Variants in PPP4R1 observed in about 807,000 individuals in gnomAD.
PPP4R1 encodes serine/threonine-protein phosphatase 4 regulatory subunit 1.
A neutral mutation model predicts 111.2 loss-of-function variants in PPP4R1; 42 were observed. The observed-to-expected ratio is 0.38, with a 90% CI of 0.29 to 0.49. The LOEUF is 0.49. Ranked by LOEUF, PPP4R1 falls within the 20% of genes least tolerant of loss-of-function variation. The pLI is 0.97. For missense variants in PPP4R1, 1,012 were observed against 1,161.6 expected (o/e 0.87, Z 1.87); for synonymous variants, 409 against 405.5 (o/e 1.01, Z -0.10).
chr18:9,564,737 T>TGTGTGGGGGG (rs1475596391), intron 11 of PPP4R1, among the ~76,000 whole-genome samples: 4 of 67,978 alleles, frequency 5.9e-5, no homozygotes, highest in South Asian at 3.2e-4. Context: ...TGTGTGTGTG[T>TGTGTGGGGGG]GGGGGTATCA....
At chr18:9,555,997 CA>C (rs71358236) in intron 15 of PPP4R1, among the ~76,000 whole-genome samples, 4 of 136,848 alleles carry the variant, frequency 2.9e-5, no homozygotes, top group Admixed American at 7.4e-5. Flanking sequence ...AACAAACAAA[CA>C]AAAAAACACA....
At chr18:9,604,344 C>G (rs1195267316) in intron 2 of PPP4R1, among the ~76,000 whole-genome samples, 1 of 152,146 alleles carries the variant, frequency 6.6e-6, no homozygotes, top group Admixed American at 6.5e-5. Flanking sequence ...TCAATAGATG[C>G]CCTTGCACGC....
intron 2 of PPP4R1, among the ~76,000 whole-genome samples, chr18:9,595,781 A>G (rs2067280780): frequency 6.6e-6 from 1 of 152,174 alleles, no homozygotes; most frequent in South Asian, 2.1e-4. Flanking sequence ...CACCCATTCA[A>G]GCTGCAGGAG....
At chr18:9,556,328 G>A (rs1408692235) in intron 15 of PPP4R1, among the ~76,000 whole-genome samples, 1 of 151,624 alleles carries the variant, frequency 6.6e-6, no homozygotes, top group African/African-American at 2.4e-5. Flanking sequence ...GAGTGGCTGA[G>A]ACTACAGGTG....
At position 9,547,016 on chromosome 18, in the gene PPP4R1, G is replaced by A. The variant is rs561641973; in HGVS notation, c.*773C>T. 6.6e-6 allele frequency: 1 copy of A among 152,534 alleles called. No individual in the cohort carries two copies. The highest frequency in any genetic ancestry group is 6.5e-5 in the Admixed American group (1 of 15,274). 9.4% of individuals were successfully genotyped at this position (152,534 alleles called of 1,614,324 possible). A position where few individuals can be genotyped will look rare whatever the true frequency, so the allele number is the denominator to read the frequency against. On this transcript the variant is annotated 3_prime_UTR_variant, in exon 20 of 20. Coordinates refer to ENST00000400556, the MANE Select transcript of PPP4R1 (RefSeq NM_001042388.3). ...CACTCCCAAGAGTGGTCACAGGTAT[G>A]TACAGTATGTGAAGAAGTTGCACCT... is the stretch of plus-strand genomic sequence containing the variant.
chr18:9,585,989 A>G (rs145225617), intron 6 of PPP4R1, among the ~76,000 whole-genome samples: 97 of 152,290 alleles, frequency 6.4e-4, no homozygotes, highest in African/African-American at 2.2e-3. Context: ...AGAACTAGAG[A>G]TAACGCCTAC....
At chr18:9,610,867 T>TACACACACACACACAC (rs60173784) in intron 2 of PPP4R1, among the ~76,000 whole-genome samples, 171 of 149,894 alleles carry the variant, frequency 1.1e-3, no homozygotes, top group African/African-American at 3.9e-3. Flanking sequence ...AAATTATGTG[T>TACACACACACACACAC]ACACACACAC....
At chr18:9,605,461 T>C (rs1039250817) in intron 2 of PPP4R1, among the ~76,000 whole-genome samples, 2 of 149,734 alleles carry the variant, frequency 1.3e-5, no homozygotes, top group African/African-American at 2.5e-5. Flanking sequence ...GTGGAGCAAT[T>C]TGATAGACAT....
chr18:9,560,308 T>C (rs184750753), intron 13 of PPP4R1, among the ~76,000 whole-genome samples: 2 of 152,222 alleles, frequency 1.3e-5, no homozygotes, highest in African/African-American at 2.4e-5. Flanking sequence ...TTGTCTTCTT[T>C]AGATGAAAAT....
intron 10 of PPP4R1, among the ~76,000 whole-genome samples, chr18:9,573,898 T>A (rs1223383869): frequency 6.6e-6 from 1 of 152,300 alleles, no homozygotes; most frequent in East Asian, 1.9e-4. Flanking sequence ...CTTAGAATGA[T>A]TTTTTTAAAA....
At chr18:9,597,874 G>C (rs2067315304) in intron 2 of PPP4R1, among the ~76,000 whole-genome samples, 1 of 152,062 alleles carries the variant, frequency 6.6e-6, no homozygotes, top group South Asian at 2.1e-4. Flanking sequence ...AACAGAAACA[G>C]ACCCAGGACA....
At chr18:9,608,573 C>G (rs1299862265) in intron 2 of PPP4R1, among the ~76,000 whole-genome samples, 2 of 152,182 alleles carry the variant, frequency 1.3e-5, no homozygotes, top group Admixed American at 6.5e-5. Context: ...GTGCTAAAAG[C>G]AGAGCAAGTT....
chr18:9,561,900 G>C, intron 13 of PPP4R1, 80 bp downstream of exon 13: 1 of 1,142,788 alleles, frequency 8.8e-7, no homozygotes, highest in East Asian at 2.4e-5. Context: ...CATAAAGAAG[G>C]GGCAAATTAG....
At chr18:9,594,834 G>A (rs2067266669) in intron 3 of PPP4R1, 184 bp downstream of exon 3, 1 of 592,060 alleles carries the variant, frequency 1.7e-6, no homozygotes, top group East Asian at 3.2e-5. Flanking sequence ...CATGTTGTAT[G>A]CTTACTAGGA....
intron 2 of PPP4R1, chr18:9,599,739 T>C (rs931433703): frequency 2.6e-5 from 4 of 152,202 alleles, no homozygotes; most frequent in African/African-American, 9.6e-5. Context: ...GAAGCACCTT[T>C]ATAAAGGCTG....
At chr18:9,612,654 T>TGA (rs1313689128) in intron 2 of PPP4R1, 3 of 152,162 alleles carry the variant, frequency 2.0e-5, no homozygotes, top group African/African-American at 7.2e-5. Flanking sequence ...TAAAAAGCCC[T>TGA]CCTCGAGGTA....
chr18:9,596,028 T>C lies in PPP4R1; in HGVS notation c.53-875A>G, dbSNP rs547246082. ...CTGACTGAAGAGGTAAAGGAAAATA[T>C]AATAAAGTGAAGACAATGAATACAA... On this transcript the variant is annotated intron_variant, in intron 2 of 19. Coordinates refer to ENST00000400556, the MANE Select transcript of PPP4R1 (RefSeq NM_001042388.3). Among the ~76,000 whole-genome samples, 5 of 152,148 alleles carry C rather than the reference T, an allele frequency of 3.3e-5. No individual in the cohort carries two copies. In the South Asian group the frequency reaches 6.2e-4, roughly 19 times the overall value.
intron 9 of PPP4R1, among the ~76,000 whole-genome samples, chr18:9,582,122 AC>A (rs2067039533): frequency 1.3e-5 from 2 of 152,026 alleles, no homozygotes. Flanking sequence ...CCACAACCTA[AC>A]CTTCTGCCTA....
At chr18:9,603,459 C>T (rs992252877) in intron 2 of PPP4R1, among the ~76,000 whole-genome samples, 3 of 152,026 alleles carry the variant, frequency 2.0e-5, no homozygotes, top group Non-Finnish European at 4.4e-5. Context: ...ATAATGGAAA[C>T]TCAATAAAAC....
Sources: allele counts gnomAD v4.1 joint callset (sites outside exome capture counted in the v4.1 genomes callset), GRCh38; gene constraint gnomAD v4.1.1; transcripts MANE v1.5; gene names NCBI Gene and HGNC (gene_info 2026-07-23, HGNC 2026-07-21).